Variants in BDH2 observed in about 807,000 individuals in gnomAD.
The protein encoded by BDH2 is 3-hydroxybutyrate dehydrogenase 2.
BDH2 carries 24 observed loss-of-function variants against 33.2 expected under a neutral mutation model. That is an observed-to-expected ratio of 0.72 (90% CI 0.52 to 1.02). The LOEUF (loss-of-function observed/expected upper bound fraction) is 1.02, where lower values mean the gene tolerates loss of function less well. Ranked by LOEUF, BDH2 falls within the 50% of genes least tolerant of loss-of-function variation. The pLI, the probability that BDH2 is intolerant of heterozygous loss-of-function variation, is 0.00. For synonymous variants in BDH2, 81 were observed against 101.6 expected (o/e 0.80, Z 1.22); for missense variants, 249 against 301.6 (o/e 0.83, Z 1.29).
At chr4:103,096,073 T>G in intron 2 of BDH2, 110 bp downstream of exon 2, 1 of 711,256 alleles carries the variant, frequency 1.4e-6, no homozygotes, top group Non-Finnish European at 2.3e-6. Context: ...AGCACAAAAG[T>G]AAAAAAATAA....
chr4:103,091,341 AT>A, intron 4 of BDH2, 56 bp from the exon 5 acceptor site: 1 of 1,147,210 alleles, frequency 8.7e-7, no homozygotes. Flanking sequence ...TTTCTATTCC[AT>A]CTGCTGATTA....
rs1747563855 is a variant in BDH2, at chr4:103,082,323, G to A, written c.592-150C>T. ...GGGTTATGGTGATTCTTTTGCCAAAGTTACTCAAATTGTTTGTGTTATACT... is the reference window on the plus strand; with the variant it reads ...GGGTTATGGTGATTCTTTTGCCAAAATTACTCAAATTGTTTGTGTTATACT... On this transcript the variant is annotated intron_variant, in intron 8 of 9. Coordinates refer to ENST00000296424, the MANE Select transcript of BDH2 (RefSeq NM_020139.4). 7.6e-6 allele frequency: 5 copies of A among 656,716 alleles called. No individual in the cohort carries two copies. In the South Asian group the frequency reaches 1.0e-4, roughly 13 times the overall value. The allele number at this position is 656,716 out of a possible 1,614,324, so 40.7% of individuals were successfully genotyped here. A position where few individuals can be genotyped will look rare whatever the true frequency, so the allele number is the denominator to read the frequency against.
At chr4:103,081,787 C>G (rs915698707) in intron 9 of BDH2, among the ~76,000 whole-genome samples, 3 of 152,142 alleles carry the variant, frequency 2.0e-5, no homozygotes, top group African/African-American at 4.8e-5. Flanking sequence ...AGGGTTTCCC[C>G]AATTATAATT....
chr4:103,095,087 A>G (rs1189004496), intron 3 of BDH2, 116 bp downstream of exon 3: 1 of 718,904 alleles, frequency 1.4e-6, no homozygotes, highest in Non-Finnish European at 2.3e-6. Context: ...GAGAGAATCT[A>G]AAAAGCACGG....
At position 103,078,974 on chromosome 4, in the gene BDH2, A is replaced by G. The variant is rs1747381974; in HGVS notation, c.*728T>C. Among the ~76,000 whole-genome samples the G allele has an allele frequency of 6.6e-6, 1 of 152,184 alleles. No homozygotes were observed. The highest frequency in any genetic ancestry group is 2.4e-5 in the African/African-American group (1 of 41,436). On this transcript the variant is annotated 3_prime_UTR_variant, in exon 10 of 10. Coordinates refer to ENST00000296424, the MANE Select transcript of BDH2 (RefSeq NM_020139.4). Reference sequence around the variant, plus strand: ...ATTATAGGCATGAGCTACCATGCCTAGTCCTGAAATTACTATCTTCTTCCT... The same window carrying G: ...ATTATAGGCATGAGCTACCATGCCTGGTCCTGAAATTACTATCTTCTTCCT...
At chr4:103,081,589 C>A (rs1467012458) in intron 9 of BDH2, among the ~76,000 whole-genome samples, 1 of 152,220 alleles carries the variant, frequency 6.6e-6, no homozygotes, top group Non-Finnish European at 1.5e-5. Flanking sequence ...AGCCACCATG[C>A]CCGGCCACAA....
intron 9 of BDH2, 105 bp downstream of exon 9, chr4:103,081,976 A>T: frequency 1.1e-6 from 1 of 874,342 alleles, no homozygotes; most frequent in Non-Finnish European, 1.8e-6. Context: ...GTAGCATCTT[A>T]GCACATATAT....
chr4:103,095,076 A>G, intron 3 of BDH2, 127 bp downstream of exon 3: 1 of 644,396 alleles, frequency 1.6e-6, no homozygotes, highest in Non-Finnish European at 2.7e-6. Context: ...TTCATATCAG[A>G]GAGAGAATCT....
intron 7 of BDH2, among the ~76,000 whole-genome samples, 184 bp from the exon 8 acceptor site, chr4:103,083,113 A>G (rs1386474846): frequency 6.6e-6 from 1 of 152,206 alleles, no homozygotes; most frequent in Non-Finnish European, 1.5e-5. Flanking sequence ...TAACATTTCT[A>G]TGATTTTAAA....
At chr4:103,079,877 T>A in intron 9 of BDH2, 122 bp from the exon 10 acceptor site, 1 of 833,324 alleles carries the variant, frequency 1.2e-6, no homozygotes, top group Non-Finnish European at 2.0e-6. Context: ...GAAACCTCAC[T>A]TAAACACTTA....
At position 103,086,365 on chromosome 4, in the gene BDH2, T is replaced by C. The variant is rs1020920816; in HGVS notation, c.418+115A>G. On this transcript the variant is annotated intron_variant, in intron 6 of 9. Coordinates refer to ENST00000296424, the MANE Select transcript of BDH2 (RefSeq NM_020139.4). ...AATACCAATTTTGAAAAAAGCAGTT[T>C]TGAAATCATTTCAATACTTGAAATT... 8 of 1,403,152 alleles carry C rather than the reference T, an allele frequency of 5.7e-6. No individual in the cohort carries two copies. The Admixed American group carries it at 2.1e-4, about 37-fold the overall frequency. The allele number at this position is 1,403,152 out of a possible 1,614,324, so 86.9% of individuals were successfully genotyped here.
rs200201775 is a variant in BDH2 at position 103,086,478 on chromosome 4, A to C, written c.418+2T>G. The C allele has an allele frequency of 1.5e-4, 236 of 1,611,962 alleles. 2 individuals are homozygous for C. The highest frequency in any genetic ancestry group is 3.1e-5 in the Non-Finnish European group (37 of 1,179,446). ...GCAGTCCTCGGAAGGAGACAGACCC[A>C]CCTTTGACGCTGGAAGCCACAGAAG... On this transcript the variant is annotated splice_donor_variant, in intron 6 of 9. Coordinates refer to ENST00000296424, the MANE Select transcript of BDH2 (RefSeq NM_020139.4). LOFTEE classifies it high-confidence loss of function.
intron 5 of BDH2, among the ~76,000 whole-genome samples, chr4:103,090,750 C>A (rs1354773237): frequency 6.6e-6 from 1 of 152,196 alleles, no homozygotes; most frequent in Non-Finnish European, 1.5e-5. Flanking sequence ...ACTTCTTGGA[C>A]TGCTATGCCA....
intron 5 of BDH2, among the ~76,000 whole-genome samples, chr4:103,088,728 C>T (rs999594190): frequency 2.0e-5 from 3 of 152,190 alleles, no homozygotes; most frequent in East Asian, 1.9e-4. Flanking sequence ...CTTACTCTGA[C>T]CCAGCCCTTC....
Position 103,085,368 on chromosome 4 carries a change from C to T in BDH2, c.513G>A (p.Arg171=), listed in dbSNP as rs764561562. ...VAADFIQQGI[R]CNCVCPGTVD... ...ACTCACCTGGGCACACACAGTTGCA[C>T]CTGATGCCCTGCTGGATGAAATCTG... Residue 171 remains arginine (R), a synonymous_variant, in exon 7 of 10, where the codon AGG becomes AGA. Transcript: ENST00000296424. 5.0e-5 allele frequency: 80 copies of T among 1,610,788 alleles called. No individual in the cohort carries two copies. The highest frequency in any genetic ancestry group is 8.4e-5 in the Admixed American group (5 of 59,818).
chr4:103,088,922 A>C lies in BDH2; in HGVS notation c.357+2255T>G, dbSNP rs147262169. ...AGGTGGGGGAAAAAAGCAAGCAAAC[A>C]AACCAACCCAAATAACAAAGATATC... On this transcript the variant is annotated intron_variant, in intron 5 of 9. Coordinates refer to ENST00000296424, the MANE Select transcript of BDH2 (RefSeq NM_020139.4). Among the ~76,000 whole-genome samples the C allele has an allele frequency of 2.0e-4, 30 of 152,358 alleles. No homozygotes were observed. The East Asian group carries it at 2.7e-3, about 14-fold the overall frequency.
In BDH2 at chr4:103,079,576, TA is replaced by T; in HGVS notation, c.*125del. ...AGACTCTTGCAAACAGTGACATCAT[TA>T]AAAAGAGCTTATTTTCATTAACATG... On this transcript the variant is annotated 3_prime_UTR_variant, in exon 10 of 10. Coordinates refer to ENST00000296424, the MANE Select transcript of BDH2 (RefSeq NM_020139.4). The T allele has an allele frequency of 3.4e-6, 3 of 888,358 alleles. No homozygotes were observed. Among genetic ancestry groups the T allele is most frequent in the Non-Finnish European group, 5.4e-6 (3 of 557,120 alleles). The allele number at this position is 888,358 out of a possible 1,614,324, so 55.0% of individuals were successfully genotyped here.
At chr4:103,088,870 C>T (rs10516498) in intron 5 of BDH2, among the ~76,000 whole-genome samples, 28,277 of 152,060 alleles carry the variant, frequency 0.19, 2,768 homozygotes, top group South Asian at 0.28. Context: ...CACCTCTATA[C>T]GCTGAAGACT....
intron 6 of BDH2, chr4:103,085,821 A>G: frequency 7.8e-7 from 1 of 1,289,292 alleles, no homozygotes; most frequent in Non-Finnish European, 1.0e-6. Flanking sequence ...ACTTCTTTAC[A>G]TTCCTCTCTT....
Sources: allele counts gnomAD v4.1 joint callset (sites outside exome capture counted in the v4.1 genomes callset), GRCh38; gene constraint gnomAD v4.1.1; transcripts MANE v1.5; gene names NCBI Gene and HGNC (gene_info 2026-07-23, HGNC 2026-07-21).